Variants in ADAM22 observed in about 807,000 individuals in gnomAD.
The protein encoded by ADAM22 is disintegrin and metalloproteinase domain-containing protein 22.
ADAM22 carries 65 observed loss-of-function variants against 144.6 expected under a neutral mutation model. The ratio of observed to expected loss-of-function variants is 0.45; its 90% CI spans 0.37 to 0.55. The LOEUF (loss-of-function observed/expected upper bound fraction) is 0.55, where lower values mean the gene tolerates loss of function less well. ADAM22 is among the 20% of genes least tolerant of loss of function. ADAM22 has a pLI of 0.00. For synonymous variants in ADAM22, 391 were observed against 412.6 expected (o/e 0.95, Z 0.63); for missense variants, 974 against 1,184.9 (o/e 0.82, Z 2.61).
intron 3 of ADAM22, among the ~76,000 whole-genome samples, chr7:88,075,359 A>G (rs891809926): frequency 6.6e-6 from 1 of 152,160 alleles, no homozygotes; most frequent in Non-Finnish European, 1.5e-5. Flanking sequence ...GTTTCCTGGA[A>G]TTATTGGCTG....
rs1843746801 is a variant in ADAM22 at position 87,946,680 on chromosome 7, T to C, written c.246+11494T>C. On this transcript the variant is annotated intron_variant, in intron 2 of 31. Coordinates refer to ENST00000413139, the MANE Select transcript of ADAM22 (RefSeq NM_001324418.2). ...GGCTGGAGGTATGCAGCTTTGTTTC[T>C]GGGCTCTCTATTGTGTTCCACTGGT... Among the ~76,000 whole-genome samples, 3 of 152,336 alleles carry C rather than the reference T, an allele frequency of 2.0e-5. No individual in the cohort carries two copies. In the South Asian group the frequency reaches 6.2e-4, roughly 32 times the overall value.
intron 3 of ADAM22, among the ~76,000 whole-genome samples, chr7:88,005,123 T>C (rs1391335144): frequency 4.6e-5 from 7 of 152,140 alleles, no homozygotes. Flanking sequence ...AGGGAGACCC[T>C]ATCTCCAAAC....
intron 22 of ADAM22, among the ~76,000 whole-genome samples, chr7:88,158,474 A>G (rs998646153): frequency 1.3e-5 from 2 of 152,138 alleles, no homozygotes; most frequent in Admixed American, 1.3e-4. Flanking sequence ...CACATGGCCC[A>G]TACTCTAAAA....
chr7:88,176,076 G>T (rs923395453), intron 26 of ADAM22, among the ~76,000 whole-genome samples: 3 of 151,874 alleles, frequency 2.0e-5, no homozygotes, highest in African/African-American at 7.3e-5. Context: ...AGGTTCAAGC[G>T]ATTCTCCTGC....
chr7:88,170,231 A>G (rs1013781594), intron 25 of ADAM22, among the ~76,000 whole-genome samples: 4 of 152,078 alleles, frequency 2.6e-5, no homozygotes, highest in African/African-American at 9.7e-5. Context: ...TAGCCCAAAT[A>G]GCTAAAGTTT....
At chr7:88,159,175 CA>C (rs779755370) in intron 22 of ADAM22, among the ~76,000 whole-genome samples, 3 of 151,980 alleles carry the variant, frequency 2.0e-5, no homozygotes, top group African/African-American at 2.4e-5. Flanking sequence ...AATGCCTGGA[CA>C]TGTGTATACG....
At chr7:88,155,807 A>C in intron 21 of ADAM22, 80 bp from the exon 22 acceptor site, 1 of 1,506,128 alleles carries the variant, frequency 6.6e-7, no homozygotes, top group Non-Finnish European at 8.9e-7. Context: ...CCAAATGCTA[A>C]AATGAGAGAA....
intron 3 of ADAM22, among the ~76,000 whole-genome samples, chr7:88,033,638 A>G (rs1800810891): frequency 6.6e-6 from 1 of 152,206 alleles, no homozygotes; most frequent in Non-Finnish European, 1.5e-5. Context: ...CTACAGGGCA[A>G]TGGGATTCCC....
chr7:88,107,575 C>T (rs928724617), intron 4 of ADAM22, among the ~76,000 whole-genome samples: 7 of 151,984 alleles, frequency 4.6e-5, no homozygotes, highest in Admixed American at 4.6e-4. Context: ...TATTTCCTTT[C>T]TTTTCTTTTT....
intron 3 of ADAM22, among the ~76,000 whole-genome samples, chr7:88,038,939 CCTGGCTAATTTTTTAG>C (rs922679603): frequency 3.3e-5 from 5 of 151,796 alleles, no homozygotes; most frequent in African/African-American, 1.2e-4. Flanking sequence ...TGAGGCCATG[CCTGGCTAATTTTTTAG>C]TTTTTTGTAG....
chr7:88,083,312 G>A (rs1371747550), intron 4 of ADAM22, among the ~76,000 whole-genome samples: 2 of 151,976 alleles, frequency 1.3e-5, no homozygotes, highest in East Asian at 1.9e-4. Flanking sequence ...CACAGGAAGG[G>A]GACCTTTACA....
chr7:88,013,101 T>C (rs965319243), intron 3 of ADAM22, among the ~76,000 whole-genome samples: 2 of 152,202 alleles, frequency 1.3e-5, no homozygotes, highest in Admixed American at 6.5e-5. Context: ...CTCATGCTTA[T>C]GTTAGTCCAC....
chr7:88,061,259 A>G (rs773167529), intron 3 of ADAM22, among the ~76,000 whole-genome samples: 5 of 152,198 alleles, frequency 3.3e-5, no homozygotes, highest in African/African-American at 4.8e-5. Context: ...ACCATCCATG[A>G]TGGTCAAAAT....
intron 6 of ADAM22, among the ~76,000 whole-genome samples, chr7:88,116,391 C>G (rs1455420338): frequency 1.3e-5 from 2 of 152,128 alleles, no homozygotes; most frequent in East Asian, 3.9e-4. Flanking sequence ...CCAAAGCTCT[C>G]TGACTTTTAA....
chr7:87,944,816 G>GTTTTTTTTTTTTTT (rs11311070), intron 2 of ADAM22, among the ~76,000 whole-genome samples: 15 of 127,020 alleles, frequency 1.2e-4, no homozygotes, highest in Non-Finnish European at 1.3e-4. Context: ...GGAAACTTGT[G>GTTTTTTTTTTTTTT]TTTTTTTTTT....
intron 11 of ADAM22, 27 bp downstream of exon 11, chr7:88,131,462 A>G (rs1282302475): frequency 6.2e-6 from 10 of 1,605,012 alleles, no homozygotes; most frequent in Non-Finnish European, 7.7e-6. Flanking sequence ...ATGATGTATT[A>G]CTTTTTTTGA....
intron 2 of ADAM22, among the ~76,000 whole-genome samples, chr7:87,955,872 G>A (rs1411548628): frequency 6.6e-6 from 1 of 152,184 alleles, no homozygotes; most frequent in African/African-American, 2.4e-5. Flanking sequence ...CTTGCAGTTT[G>A]ATCTCAGACT....
Position 88,196,543 on chromosome 7 carries a change from A to G in ADAM22, c.*52A>G, listed in dbSNP as rs377744635. 2,323 of 1,588,970 alleles carry G rather than the reference A, an allele frequency of 1.5e-3. 1 individual carries two copies. The highest frequency in any genetic ancestry group is 1.8e-3 in the Non-Finnish European group (2,085 of 1,157,698). On this transcript the variant is annotated 3_prime_UTR_variant, in exon 32 of 32. Coordinates refer to ENST00000413139, the MANE Select transcript of ADAM22 (RefSeq NM_001324418.2). ...GAAAACTGTTTACTTCAACTTTTAT[A>G]GAAACCCAGGCTCATGGAATCACTG...
At chr7:87,964,666 G>T in intron 2 of ADAM22, 2 of 429,606 alleles carry the variant, frequency 4.7e-6, no homozygotes, top group Non-Finnish European at 9.1e-6. Context: ...AATCCCAGAA[G>T]ACCATATACC....
Sources: allele counts gnomAD v4.1 joint callset (sites outside exome capture counted in the v4.1 genomes callset), GRCh38; gene constraint gnomAD v4.1.1; transcripts MANE v1.5; gene names NCBI Gene and HGNC (gene_info 2026-07-23, HGNC 2026-07-21).